The following BNC2 variants were observed in gnomAD, a reference collection of about 807,000 sequenced individuals.
The protein encoded by BNC2 is zinc finger protein basonuclin-2.
A neutral mutation model predicts 76.3 loss-of-function variants in BNC2; 20 were observed. The observed-to-expected ratio is 0.26, with a 90% CI of 0.18 to 0.38. The LOEUF (loss-of-function observed/expected upper bound fraction) is 0.38. Among genes scored for constraint, BNC2 ranks in the 10% least tolerant of loss-of-function variants. The probability of loss-of-function intolerance (pLI) is 1.00; values close to 1 mark genes in which losing one functional copy is unlikely to be tolerated. For synonymous variants in BNC2, 582 were observed against 514.8 expected (o/e 1.13, Z -1.77); for missense variants, 1,382 against 1,399.8 (o/e 0.99, Z 0.20).
At chr9:16,673,439 A>AC (rs1554704976) in intron 3 of BNC2, among the ~76,000 whole-genome samples, 317 of 144,930 alleles carry the variant, frequency 2.2e-3, no homozygotes, top group African/African-American at 4.4e-3. Context: ...TTAAAAAAAA[A>AC]AAAAACACAC....
chr9:16,558,447 T>G (rs1445523395), intron 4 of BNC2, among the ~76,000 whole-genome samples: 1 of 152,190 alleles, frequency 6.6e-6, no homozygotes, highest in Non-Finnish European at 1.5e-5. Flanking sequence ...GGCAGTGCTT[T>G]GAGGCTGGTA....
At chr9:16,684,557 G>T (rs1047195949) in intron 3 of BNC2, among the ~76,000 whole-genome samples, 7 of 151,976 alleles carry the variant, frequency 4.6e-5, no homozygotes, top group African/African-American at 1.4e-4. Context: ...TTTTTTAAAT[G>T]GTTCTCTCTT....
chr9:16,737,319 T>C (rs1449388497), intron 2 of BNC2, among the ~76,000 whole-genome samples: 3 of 140,112 alleles, frequency 2.1e-5, no homozygotes, highest in South Asian at 2.5e-4. Flanking sequence ...GGCGCAATCT[T>C]GGCTTACTGC....
chr9:16,681,328 C>T (rs781771765), intron 3 of BNC2, among the ~76,000 whole-genome samples: 16 of 152,052 alleles, frequency 1.1e-4, no homozygotes, highest in Admixed American at 2.0e-4. Flanking sequence ...AACATTTTAT[C>T]GGAGGGGAAA....
intron 4 of BNC2, among the ~76,000 whole-genome samples, chr9:16,575,952 T>C (rs1457988415): frequency 6.6e-6 from 1 of 152,220 alleles, no homozygotes; most frequent in Non-Finnish European, 1.5e-5. Flanking sequence ...AAGCAGATAC[T>C]GCACCAGCTT....
At chr9:16,816,478 G>C (rs906370633) in intron 1 of BNC2, among the ~76,000 whole-genome samples, 3 of 152,150 alleles carry the variant, frequency 2.0e-5, no homozygotes, top group African/African-American at 7.2e-5. Flanking sequence ...AACTGAGTTT[G>C]TTCTAGACAA....
At chr9:16,584,898 C>T (rs1236749202) in intron 3 of BNC2, among the ~76,000 whole-genome samples, 4 of 151,880 alleles carry the variant, frequency 2.6e-5, no homozygotes, top group East Asian at 1.9e-4. Flanking sequence ...AATTCAGATA[C>T]GGGAACTATG....
intron 6 of BNC2, among the ~76,000 whole-genome samples, chr9:16,430,210 C>T (rs1464113100): frequency 6.6e-6 from 1 of 151,860 alleles, no homozygotes; most frequent in Non-Finnish European, 1.5e-5. Context: ...AAAAAAAACT[C>T]TTCCTTAACA....
At chr9:16,463,819 G>A (rs935492588) in intron 5 of BNC2, among the ~76,000 whole-genome samples, 1 of 151,926 alleles carries the variant, frequency 6.6e-6, no homozygotes, top group Non-Finnish European at 1.5e-5. Flanking sequence ...CACTTTGGGA[G>A]GCCCGGTGGC....
At chr9:16,480,042 G>A (rs1822012705) in intron 5 of BNC2, among the ~76,000 whole-genome samples, 1 of 152,136 alleles carries the variant, frequency 6.6e-6, no homozygotes, top group Non-Finnish European at 1.5e-5. Flanking sequence ...ACCATTCTAA[G>A]TTCATTCAAC....
chr9:16,515,266 G>A (rs1031703679), intron 5 of BNC2, among the ~76,000 whole-genome samples: 15 of 152,180 alleles, frequency 9.9e-5, no homozygotes, highest in South Asian at 2.1e-4. Context: ...CTTCAAAGCC[G>A]ACTGGGCTGT....
chr9:16,862,656 C>G (rs1338519287), intron 1 of BNC2, among the ~76,000 whole-genome samples: 1 of 152,176 alleles, frequency 6.6e-6, no homozygotes, highest in East Asian at 1.9e-4. Flanking sequence ...ATGTATTCCT[C>G]TCTCTTTAAT....
intron 3 of BNC2, among the ~76,000 whole-genome samples, chr9:16,617,931 T>C (rs994290040): frequency 2.0e-5 from 3 of 152,232 alleles, no homozygotes; most frequent in East Asian, 1.9e-4. Context: ...CTAAGCAGCC[T>C]GGCTCCACAG....
intron 3 of BNC2, among the ~76,000 whole-genome samples, chr9:16,596,363 AC>A (rs554387336): frequency 6.6e-6 from 1 of 152,148 alleles, no homozygotes; most frequent in Non-Finnish European, 1.5e-5. Flanking sequence ...ATGTACAAAT[AC>A]AAACCACTAA....
chr9:16,713,356 G>A (rs981356412), intron 3 of BNC2, among the ~76,000 whole-genome samples: 1 of 151,834 alleles, frequency 6.6e-6, no homozygotes, highest in Non-Finnish European at 1.5e-5. Flanking sequence ...GAACTCAAGG[G>A]GGCAGAAACA....
At chr9:16,471,749 G>C (rs574096747) in intron 5 of BNC2, among the ~76,000 whole-genome samples, 1 of 152,248 alleles carries the variant, frequency 6.6e-6, no homozygotes, top group South Asian at 2.1e-4. Flanking sequence ...GAGGACATAA[G>C]ATTTGGAGGG....
intron 5 of BNC2, among the ~76,000 whole-genome samples, chr9:16,452,947 C>T (rs192998938): frequency 2.3e-4 from 35 of 152,298 alleles, no homozygotes; most frequent in South Asian, 4.1e-4. Flanking sequence ...TCAAAAAGAA[C>T]TTCTATCTGA....
chr9:16,790,061 G>A (rs1396327614), intron 1 of BNC2, among the ~76,000 whole-genome samples: 3 of 152,188 alleles, frequency 2.0e-5, no homozygotes, highest in Non-Finnish European at 4.4e-5. Context: ...GTGCAGTGGC[G>A]CGATCTCGGC....
chr9:16,616,518 A>G (rs1321894901), intron 3 of BNC2, among the ~76,000 whole-genome samples: 1 of 151,750 alleles, frequency 6.6e-6, no homozygotes, highest in Non-Finnish European at 1.5e-5. Flanking sequence ...GCAATATTGC[A>G]AGACCCTGTC....
Sources: allele counts gnomAD v4.1 joint callset (sites outside exome capture counted in the v4.1 genomes callset), GRCh38; gene constraint gnomAD v4.1.1; transcripts MANE v1.5; gene names NCBI Gene and HGNC (gene_info 2026-07-23, HGNC 2026-07-21).